CPQ: variants seen among roughly 807,000 people sequenced by gnomAD.
The protein encoded by CPQ is Ser-Met dipeptidase.
A neutral mutation model predicts 45.7 loss-of-function variants in CPQ; 37 were observed. That is an observed-to-expected ratio of 0.81 (90% confidence interval 0.62 to 1.07). The LOEUF (loss-of-function observed/expected upper bound fraction) is 1.07, where lower values mean the gene tolerates loss of function less well. CPQ is among the 50% of genes least tolerant of loss of function. CPQ has a pLI of 0.00. For synonymous variants in CPQ, 186 were observed against 205.8 expected (o/e 0.90, Z 0.82); for missense variants, 537 against 572.9 (o/e 0.94, Z 0.64).
chr8:96,993,122 A>G lies in CPQ; in HGVS notation c.961+27076A>G, dbSNP rs189388024. Among the ~76,000 whole-genome samples, 38 of 152,328 alleles carry G rather than the reference A, an allele frequency of 2.5e-4. 1 individual carries two copies. Among genetic ancestry groups the G allele is most frequent in the Non-Finnish European group, 4.3e-4 (29 of 68,024 alleles). On this transcript the variant is annotated intron_variant, in intron 5 of 7. Coordinates refer to ENST00000220763, the MANE Select transcript of CPQ (RefSeq NM_016134.4). Reference sequence around the variant, plus strand: ...AAACACCTTCAAATGGAAAGGATGAAGGTCTAGCGTAGTATATATGGTGCA... The same window carrying G: ...AAACACCTTCAAATGGAAAGGATGAGGGTCTAGCGTAGTATATATGGTGCA...
At position 96,645,318 on chromosome 8, in the gene CPQ, G is replaced by A. The variant is rs1046645374; in HGVS notation, c.-119G>A. On this transcript the variant is annotated 5_prime_UTR_variant, in exon 1 of 8. In the 5' UTR this introduces an upstream ATG that the reference lacks. Coordinates refer to ENST00000220763, the MANE Select transcript of CPQ (RefSeq NM_016134.4). ...GCGGAGGGCCCCAGCCCAGTCAGGGGTGTGGCCGCCGCCACCGTAAGGCTA... is the reference window on the plus strand; with the variant it reads ...GCGGAGGGCCCCAGCCCAGTCAGGGATGTGGCCGCCGCCACCGTAAGGCTA... 7.2e-5 allele frequency: 11 copies of A among 152,518 alleles called. No homozygotes were observed. The highest frequency in any genetic ancestry group is 1.9e-4 in the African/African-American group (8 of 41,590). The allele number at this position is 152,518 out of a possible 1,614,324, so 9.4% of individuals were successfully genotyped here. A position where few individuals can be genotyped will look rare whatever the true frequency, so the allele number is the denominator to read the frequency against.
chr8:96,716,987 C>T (rs1474573446), intron 1 of CPQ, among the ~76,000 whole-genome samples: 1 of 130,036 alleles, frequency 7.7e-6, no homozygotes, highest in African/African-American at 3.0e-5. Context: ...GTCATTATTC[C>T]GTTCCTTTTT....
intron 5 of CPQ, among the ~76,000 whole-genome samples, chr8:97,024,346 G>A (rs1481510102): frequency 6.6e-6 from 1 of 152,046 alleles, no homozygotes; most frequent in Non-Finnish European, 1.5e-5. Flanking sequence ...CCTGCCAAGT[G>A]TGCAGATTGT....
chr8:96,721,332 G>C (rs1413967605), intron 1 of CPQ, among the ~76,000 whole-genome samples: 1 of 151,934 alleles, frequency 6.6e-6, no homozygotes, highest in Non-Finnish European at 1.5e-5. Flanking sequence ...TACTTTGTGA[G>C]TTTTTATTCT....
At chr8:96,958,727 G>A (rs1202966630) in intron 4 of CPQ, among the ~76,000 whole-genome samples, 2 of 152,082 alleles carry the variant, frequency 1.3e-5, no homozygotes, top group East Asian at 3.9e-4. Context: ...ATGCAACCAG[G>A]AATAGGCATG....
intron 1 of CPQ, among the ~76,000 whole-genome samples, chr8:96,719,312 C>T (rs1479697332): frequency 6.6e-6 from 1 of 152,222 alleles, no homozygotes; most frequent in Non-Finnish European, 1.5e-5. Flanking sequence ...GTACACCCTC[C>T]GCAGCCACTG....
chr8:97,099,966 T>A (rs1457743141), intron 7 of CPQ, among the ~76,000 whole-genome samples: 1 of 152,218 alleles, frequency 6.6e-6, no homozygotes, highest in East Asian at 1.9e-4. Context: ...TAACTAGCTA[T>A]GTACCTCTAA....
At chr8:97,097,462 G>A (rs566517844) in intron 7 of CPQ, among the ~76,000 whole-genome samples, 3 of 152,190 alleles carry the variant, frequency 2.0e-5, no homozygotes, top group Admixed American at 6.6e-5. Flanking sequence ...ATGCAAGTAC[G>A]TATGTGATTG....
In CPQ at chr8:96,947,310, C is replaced by G. The variant is rs994692533; in HGVS notation, c.850-18625C>G. ...TCTCACAAAATTATAATGGAGTAGGCTATATCATCTAGGTTTGTTATGTAC... is the reference window on the plus strand; with the variant it reads ...TCTCACAAAATTATAATGGAGTAGGGTATATCATCTAGGTTTGTTATGTAC... On this transcript the variant is annotated intron_variant, in intron 4 of 7. Coordinates refer to ENST00000220763, the MANE Select transcript of CPQ (RefSeq NM_016134.4). Among the ~76,000 whole-genome samples the G allele has an allele frequency of 7.2e-5, 11 of 152,250 alleles. 1 individual carries two copies. In the South Asian group the frequency reaches 1.7e-3, roughly 23 times the overall value.
intron 7 of CPQ, among the ~76,000 whole-genome samples, chr8:97,079,432 T>C (rs1213602555): frequency 1.3e-5 from 2 of 152,250 alleles, no homozygotes; most frequent in Non-Finnish European, 2.9e-5. Context: ...ATAGATGCTT[T>C]ACTTATCTCA....
chr8:96,923,902 C>T (rs1345833793), intron 4 of CPQ, among the ~76,000 whole-genome samples: 2 of 152,152 alleles, frequency 1.3e-5, no homozygotes, highest in Non-Finnish European at 2.9e-5. Flanking sequence ...TTTTGAGAAA[C>T]TTTGTAGAAC....
intron 3 of CPQ, among the ~76,000 whole-genome samples, chr8:96,875,602 C>T (rs1410819032): frequency 6.6e-6 from 1 of 151,806 alleles, no homozygotes; most frequent in Non-Finnish European, 1.5e-5. Context: ...ATGAATTGGC[C>T]ATTCCTAGAA....
chr8:96,912,184 A>G (rs1392393166), intron 4 of CPQ, among the ~76,000 whole-genome samples: 5 of 152,240 alleles, frequency 3.3e-5, no homozygotes, highest in Non-Finnish European at 7.3e-5. Context: ...GGATTATTTT[A>G]ACATATGAAA....
At chr8:96,671,603 G>T (rs572194757) in intron 1 of CPQ, among the ~76,000 whole-genome samples, 2 of 152,172 alleles carry the variant, frequency 1.3e-5, no homozygotes, top group South Asian at 2.1e-4. Flanking sequence ...ATCAATTTGA[G>T]GTTTATTGTA....
At chr8:96,811,224 T>G (rs1811157501) in intron 2 of CPQ, among the ~76,000 whole-genome samples, 1 of 152,186 alleles carries the variant, frequency 6.6e-6, no homozygotes, top group Admixed American at 6.5e-5. Flanking sequence ...CTATGTGATA[T>G]TCTTTCTAGC....
At chr8:96,822,370 G>A (rs1047666725) in intron 2 of CPQ, among the ~76,000 whole-genome samples, 1 of 152,040 alleles carries the variant, frequency 6.6e-6, no homozygotes, top group Non-Finnish European at 1.5e-5. Context: ...ACATAGGAGT[G>A]CAGGTATCTC....
intron 1 of CPQ, among the ~76,000 whole-genome samples, chr8:96,760,612 A>G (rs1347407210): frequency 6.6e-6 from 1 of 152,140 alleles, no homozygotes; most frequent in Non-Finnish European, 1.5e-5. Context: ...GTTATAATGC[A>G]TTATAATCAG....
intron 4 of CPQ, among the ~76,000 whole-genome samples, chr8:96,910,502 C>CT (rs931205768): frequency 5.9e-5 from 9 of 151,922 alleles, no homozygotes; most frequent in Non-Finnish European, 8.8e-5. Flanking sequence ...GTGTTATAAT[C>CT]TTTTTTTTCT....
intron 7 of CPQ, among the ~76,000 whole-genome samples, chr8:97,066,916 CTTTTTTTTT>C (rs752150876): frequency 0.032 from 1,926 of 60,376 alleles, 78 homozygotes; most frequent in African/African-American, 0.11. Context: ...CTGGAACAGT[CTTTTTTTTT>C]TTTTTTTTTT....
Sources: allele counts gnomAD v4.1 joint callset (sites outside exome capture counted in the v4.1 genomes callset), GRCh38; gene constraint gnomAD v4.1.1; transcripts MANE v1.5; gene names NCBI Gene and HGNC (gene_info 2026-07-23, HGNC 2026-07-21).